RCAN1: variants seen among roughly 807,000 people sequenced by gnomAD.
The protein encoded by RCAN1 is calcipressin-1.
RCAN1 carries 11 observed loss-of-function variants against 22.9 expected under a neutral mutation model. The ratio of observed to expected loss-of-function variants is 0.48; its 90% CI spans 0.30 to 0.79. RCAN1 has a LOEUF of 0.79. Ranked by LOEUF, RCAN1 falls within the 30% of genes least tolerant of loss-of-function variation. The pLI is 0.06. For missense variants in RCAN1, 291 were observed against 337.8 expected (o/e 0.86, Z 1.09); for synonymous variants, 136 against 142.3 (o/e 0.96, Z 0.32).
At chr21:34,591,065 C>T (rs1737284234) in intron 1 of RCAN1, among the ~76,000 whole-genome samples, 1 of 152,188 alleles carries the variant, frequency 6.6e-6, no homozygotes, top group African/African-American at 2.4e-5. Flanking sequence ...TTATTTTCCT[C>T]GTGGAGGGCA....
intron 1 of RCAN1, among the ~76,000 whole-genome samples, chr21:34,553,525 C>T (rs1474583017): frequency 6.6e-6 from 1 of 152,164 alleles, no homozygotes; most frequent in Non-Finnish European, 1.5e-5. Flanking sequence ...GATTCATAAC[C>T]ATATCCTACT....
intron 1 of RCAN1, among the ~76,000 whole-genome samples, chr21:34,581,496 C>A (rs191044005): frequency 1.3e-5 from 2 of 152,236 alleles, no homozygotes; most frequent in Non-Finnish European, 2.9e-5. Context: ...GAAAAGCCCC[C>A]TCAAATCAAA....
At chr21:34,547,156 G>A (rs140309123) in intron 1 of RCAN1, among the ~76,000 whole-genome samples, 2 of 152,156 alleles carry the variant, frequency 1.3e-5, no homozygotes, top group Non-Finnish European at 2.9e-5. Context: ...AGGATTCAGC[G>A]AAGGGTTCGG....
At chr21:34,598,948 A>G (rs924065001) in intron 1 of RCAN1, among the ~76,000 whole-genome samples, 1 of 152,168 alleles carries the variant, frequency 6.6e-6, no homozygotes, top group Non-Finnish European at 1.5e-5. Flanking sequence ...ACAAGATGAT[A>G]CTATTTTACG....
At chr21:34,519,404 T>C (rs1453989952) in intron 3 of RCAN1, among the ~76,000 whole-genome samples, 1 of 143,928 alleles carries the variant, frequency 6.9e-6, no homozygotes, top group African/African-American at 2.6e-5. Flanking sequence ...TTTCTTTTTT[T>C]TTTTTTTTTT....
intron 1 of RCAN1, among the ~76,000 whole-genome samples, chr21:34,573,394 C>T (rs756415573): frequency 1.3e-5 from 2 of 152,224 alleles, no homozygotes; most frequent in Non-Finnish European, 2.9e-5. Context: ...TGAGTTCCCT[C>T]ATCAATGTCC....
chr21:34,521,205 C>T (rs974570005), intron 3 of RCAN1: 23 of 1,391,424 alleles, frequency 1.7e-5, no homozygotes, highest in South Asian at 1.4e-4. Context: ...AGGCCTCCCA[C>T]GCAGGCTGTG....
chr21:34,579,321 T>C (rs1403389542), intron 1 of RCAN1, among the ~76,000 whole-genome samples: 1 of 152,128 alleles, frequency 6.6e-6, no homozygotes, highest in African/African-American at 2.4e-5. Context: ...GAAGATCACT[T>C]GGGCCTGGTA....
intron 1 of RCAN1, among the ~76,000 whole-genome samples, chr21:34,563,455 G>A (rs946242637): frequency 3.3e-5 from 5 of 152,008 alleles, no homozygotes; most frequent in African/African-American, 7.2e-5. Flanking sequence ...AAAACATGTG[G>A]GGAAATGAAG....
intron 1 of RCAN1, among the ~76,000 whole-genome samples, chr21:34,595,907 A>G (rs2123717564): frequency 6.6e-6 from 1 of 152,330 alleles, no homozygotes; most frequent in Admixed American, 6.5e-5. Flanking sequence ...GGTCCCCCAC[A>G]CAGTCCATCT....
At position 34,532,762 on chromosome 21, in the gene RCAN1, T is replaced by C. The variant is rs117979091; in HGVS notation, c.253-9052A>G. 2.4e-4 allele frequency among the ~76,000 whole-genome samples: 36 copies of C among 152,304 alleles called. 1 individual carries two copies. The East Asian group carries it at 6.9e-3, about 29-fold the overall frequency. On this transcript the variant is annotated intron_variant, in intron 1 of 3. Transcript: ENST00000313806. ...TGAATAGCCTTTTACATGATAGATATGATTGTAGATACTCTAGAAAAGAAT... is the reference window on the plus strand; with the variant it reads ...TGAATAGCCTTTTACATGATAGATACGATTGTAGATACTCTAGAAAAGAAT...
chr21:34,581,568 TCTCTGGTTATG>T (rs1425380654), intron 1 of RCAN1, among the ~76,000 whole-genome samples: 4 of 152,040 alleles, frequency 2.6e-5, no homozygotes, highest in Non-Finnish European at 5.9e-5. Flanking sequence ...CTGCTCCACG[TCTCTGGTTATG>T]GCAGTCAAGC....
At chr21:34,532,855 T>C (rs1985461773) in intron 1 of RCAN1, among the ~76,000 whole-genome samples, 1 of 152,230 alleles carries the variant, frequency 6.6e-6, no homozygotes, top group Non-Finnish European at 1.5e-5. Context: ...TGGATCTTAC[T>C]TTCGAACATT....
At chr21:34,521,716 A>T in intron 2 of RCAN1, 58 bp from the exon 3 acceptor site, 1 of 1,426,602 alleles carries the variant, frequency 7.0e-7, no homozygotes, top group Non-Finnish European at 9.6e-7. Context: ...GCAGTGAGGC[A>T]ACAGCACCTA....
intron 1 of RCAN1, among the ~76,000 whole-genome samples, chr21:34,569,629 C>A (rs2409525): frequency 0.69 from 104,634 of 151,918 alleles, 36,152 homozygotes; most frequent in South Asian, 0.78. Context: ...GATGGAGTGC[C>A]TGATGGGATA....
intron 1 of RCAN1, chr21:34,526,620 G>C: frequency 6.3e-7 from 1 of 1,588,142 alleles, no homozygotes; most frequent in Non-Finnish European, 8.6e-7. Flanking sequence ...TTAGCATAAT[G>C]CTTTGAAAAC....
intron 1 of RCAN1, 74 bp from the exon 2 acceptor site, chr21:34,523,784 CT>C (rs5843666): frequency 0.02 from 19,328 of 982,140 alleles, 1 homozygote; most frequent in South Asian, 0.025. Context: ...GATGTCATTA[CT>C]TTTTTTTTTT....
chr21:34,558,044 C>T (rs551140157), intron 1 of RCAN1, among the ~76,000 whole-genome samples: 1 of 152,294 alleles, frequency 6.6e-6, no homozygotes, highest in East Asian at 1.9e-4. Flanking sequence ...GAAGAATAAT[C>T]CATCAAGCCT....
chr21:34,530,178 A>C (rs183488093), intron 1 of RCAN1, among the ~76,000 whole-genome samples: 44 of 152,368 alleles, frequency 2.9e-4, no homozygotes, highest in African/African-American at 1.1e-3. Context: ...CCCAGAAGTT[A>C]AAGTAAATGA....
Sources: allele counts gnomAD v4.1 joint callset (sites outside exome capture counted in the v4.1 genomes callset), GRCh38; gene constraint gnomAD v4.1.1; transcripts MANE v1.5; gene names NCBI Gene and HGNC (gene_info 2026-07-23, HGNC 2026-07-21).